The following LRRTM4 variants were observed in gnomAD, a reference collection of about 807,000 sequenced individuals.
LRRTM4 encodes leucine-rich repeat transmembrane neuronal protein 4.
Under a neutral mutation model 47.6 loss-of-function variants are expected in LRRTM4, and 25 were observed. The ratio of observed to expected loss-of-function variants is 0.53; its 90% CI spans 0.38 to 0.73. The LOEUF (loss-of-function observed/expected upper bound fraction) is 0.73. LRRTM4 is among the 30% of genes least tolerant of loss of function. LRRTM4 has a pLI of 0.00. For synonymous variants in LRRTM4, 311 were observed against 269.5 expected, an observed-to-expected ratio of 1.15 and a Z score of -1.51; for missense variants, 638 against 713.4, an observed-to-expected ratio of 0.89 and a Z score of 1.20.
At chr2:77,492,894 C>A (rs945765285) in intron 3 of LRRTM4, among the ~76,000 whole-genome samples, 3 of 152,058 alleles carry the variant, frequency 2.0e-5, no homozygotes, top group Non-Finnish European at 4.4e-5. Flanking sequence ...ATGTTACTAA[C>A]ACTTTATCCA....
Position 77,353,557 on chromosome 2 carries a change from C to T in LRRTM4, c.1551+164761G>A, listed in dbSNP as rs535561337. 5.0e-4 allele frequency among the ~76,000 whole-genome samples: 76 copies of T among 152,216 alleles called. 1 individual carries two copies. The South Asian group carries it at 0.015, about 31-fold the overall frequency. The stretch of plus-strand genomic sequence containing the variant: ...TGAACATCCTTGCACATATGTCTTT[C>T]CTGAACCTTATGTAGGGGGATAATG... On this transcript the variant is annotated intron_variant, in intron 3 of 3. Transcript: ENST00000409884.
chr2:77,055,688 G>C (rs1403978208), intron 3 of LRRTM4, among the ~76,000 whole-genome samples: 5 of 151,868 alleles, frequency 3.3e-5, no homozygotes, highest in Non-Finnish European at 5.9e-5. Flanking sequence ...TCCCATTACT[G>C]GGTATATACC....
chr2:76,868,271 A>G (rs1438907469), intron 3 of LRRTM4, among the ~76,000 whole-genome samples: 1 of 152,210 alleles, frequency 6.6e-6, no homozygotes, highest in African/African-American at 2.4e-5. Flanking sequence ...GGTAAAATTA[A>G]TAGTTTATGA....
chr2:77,021,016 T>C (rs1406682031), intron 3 of LRRTM4, among the ~76,000 whole-genome samples: 1 of 152,160 alleles, frequency 6.6e-6, no homozygotes, highest in Non-Finnish European at 1.5e-5. Flanking sequence ...CATGAAGGTA[T>C]ATAACTCAGT....
chr2:77,310,990 A>T lies in LRRTM4; in HGVS notation c.1551+207328T>A, dbSNP rs111863373. Among the ~76,000 whole-genome samples, 1,214 of 152,004 alleles carry T rather than the reference A, an allele frequency of 8.0e-3. 12 individuals are homozygous for T. Among genetic ancestry groups the T allele is most frequent in the African/African-American group, 0.028 (1,163 of 41,354 alleles). ...ATGTGTGTCTGAGATATATTTACACACATATATATATAGAGAGAGAATATT... is the reference window on the plus strand; with the variant it reads ...ATGTGTGTCTGAGATATATTTACACTCATATATATATAGAGAGAGAATATT... On this transcript the variant is annotated intron_variant, in intron 3 of 3. Transcript: ENST00000409884.
At chr2:77,053,463 T>C (rs1046071301) in intron 3 of LRRTM4, among the ~76,000 whole-genome samples, 4 of 152,154 alleles carry the variant, frequency 2.6e-5, no homozygotes, top group Non-Finnish European at 5.9e-5. Context: ...AAATGGATAA[T>C]AGAAAGACAA....
chr2:76,806,380 G>A (rs568976486), intron 3 of LRRTM4, among the ~76,000 whole-genome samples: 5 of 152,160 alleles, frequency 3.3e-5, no homozygotes, highest in East Asian at 1.9e-4. Context: ...TCAGGAGTTC[G>A]AGACCAGCCT....
chr2:76,759,685 A>G (rs1186158594), intron 3 of LRRTM4, among the ~76,000 whole-genome samples: 1 of 151,892 alleles, frequency 6.6e-6, no homozygotes, highest in Non-Finnish European at 1.5e-5. Context: ...GTATTTCTCA[A>G]TTTCACCAAG....
chr2:76,857,065 A>T (rs1347164308), intron 3 of LRRTM4, among the ~76,000 whole-genome samples: 3 of 151,808 alleles, frequency 2.0e-5, no homozygotes. Context: ...TTGACCCTTG[A>T]ACAACATAGG....
intron 3 of LRRTM4, among the ~76,000 whole-genome samples, chr2:77,084,287 G>A (rs1001267293): frequency 1.3e-5 from 2 of 152,112 alleles, no homozygotes; most frequent in African/African-American, 2.4e-5. Flanking sequence ...GTGATGGCTA[G>A]GCTAGTTGCA....
intron 3 of LRRTM4, among the ~76,000 whole-genome samples, chr2:77,446,793 T>A (rs12989961): frequency 0.72 from 110,128 of 151,924 alleles, 40,102 homozygotes; most frequent in African/African-American, 0.78. Flanking sequence ...CCATCTCTAA[T>A]CCCAGATTTG....
intron 3 of LRRTM4, among the ~76,000 whole-genome samples, chr2:77,245,398 A>G (rs1675413101): frequency 6.6e-6 from 1 of 151,792 alleles, no homozygotes; most frequent in Non-Finnish European, 1.5e-5. Flanking sequence ...AATAAAAAAC[A>G]AAACAAAACA....
intron 3 of LRRTM4, among the ~76,000 whole-genome samples, chr2:77,045,098 G>A (rs1453369682): frequency 3.3e-5 from 5 of 151,808 alleles, no homozygotes; most frequent in African/African-American, 1.2e-4. Flanking sequence ...ATTTTTAGCA[G>A]AATATACAAA....
intron 3 of LRRTM4, among the ~76,000 whole-genome samples, chr2:76,859,829 G>A (rs1349137356): frequency 2.0e-5 from 3 of 152,008 alleles, no homozygotes; most frequent in South Asian, 4.2e-4. Context: ...GGTCTCAGTG[G>A]ACATAAATAT....
chr2:77,283,099 C>A (rs981941341), intron 3 of LRRTM4, among the ~76,000 whole-genome samples: 1 of 151,978 alleles, frequency 6.6e-6, no homozygotes, highest in Non-Finnish European at 1.5e-5. Flanking sequence ...GACTAATACC[C>A]AGATTCTATA....
chr2:76,827,812 T>C (rs984959733), intron 3 of LRRTM4, among the ~76,000 whole-genome samples: 1 of 151,938 alleles, frequency 6.6e-6, no homozygotes, highest in Non-Finnish European at 1.5e-5. Context: ...TCATGTCTGA[T>C]TTTAAAGCTA....
intron 3 of LRRTM4, among the ~76,000 whole-genome samples, chr2:77,231,324 T>A (rs1340879284): frequency 2.6e-5 from 4 of 152,048 alleles, no homozygotes; most frequent in Non-Finnish European, 5.9e-5. Context: ...GAGTCAGCTA[T>A]AATGTATCAC....
intron 3 of LRRTM4, among the ~76,000 whole-genome samples, chr2:77,413,298 T>A (rs2103864329): frequency 6.6e-6 from 1 of 152,312 alleles, no homozygotes; most frequent in Middle Eastern, 3.4e-3. Context: ...AAGGCTCAAA[T>A]GAGGTCACTG....
At chr2:77,051,748 A>ATGCTAAC (rs1679440410) in intron 3 of LRRTM4, among the ~76,000 whole-genome samples, 4 of 152,280 alleles carry the variant, frequency 2.6e-5, no homozygotes, top group African/African-American at 9.6e-5. Flanking sequence ...TATTTACATA[A>ATGCTAAC]AGACAAAATT....
Sources: gnomAD v4.1 joint callset for allele counts (sites outside exome capture counted in the v4.1 genomes callset) on GRCh38, gnomAD v4.1.1 for gene constraint, MANE v1.5 for transcripts, NCBI Gene and HGNC (gene_info 2026-07-23, HGNC 2026-07-21) for gene names.